The following GRIP1 variants were observed in gnomAD, a reference collection of about 807,000 sequenced individuals.
GRIP1 encodes glutamate receptor interacting protein 1, also known as glutamate receptor-interacting protein 1.
A neutral mutation model predicts 129.9 loss-of-function variants in GRIP1; 45 were observed. That is an observed-to-expected ratio of 0.35 (90% CI 0.27 to 0.44). GRIP1 has a LOEUF of 0.44. Ranked by LOEUF, GRIP1 falls within the 20% of genes least tolerant of loss-of-function variation. GRIP1 has a pLI of 1.00. For synonymous variants in GRIP1, 530 were observed against 520.8 expected (o/e 1.02, Z -0.24); for missense variants, 1,196 against 1,396.8 (o/e 0.86, Z 2.29).
chr12:66,852,501 T>A (rs2039930596), intron 1 of GRIP1, among the ~76,000 whole-genome samples: 1 of 150,984 alleles, frequency 6.6e-6, no homozygotes. Flanking sequence ...TGTGTATATA[T>A]ACACACATAT....
At chr12:66,443,957 G>C (rs1032296856) in intron 13 of GRIP1, among the ~76,000 whole-genome samples, 2 of 152,212 alleles carry the variant, frequency 1.3e-5, no homozygotes, top group African/African-American at 4.8e-5. Flanking sequence ...GGGTCAAAGA[G>C]AGGCTTTACT....
chr12:66,475,110 A>C (rs549595113), intron 7 of GRIP1, among the ~76,000 whole-genome samples: 2,028 of 151,974 alleles, frequency 0.013, 45 homozygotes, highest in African/African-American at 0.045. Flanking sequence ...CACACATAGG[A>C]TCAAAATAAA....
At chr12:66,909,096 T>C (rs903009487) in intron 1 of GRIP1, among the ~76,000 whole-genome samples, 1 of 152,252 alleles carries the variant, frequency 6.6e-6, no homozygotes, top group Non-Finnish European at 1.5e-5. Context: ...AATTTTTTCT[T>C]GCTAATTCAC....
chr12:66,959,759 A>G (rs925148213), intron 1 of GRIP1, among the ~76,000 whole-genome samples: 1 of 152,136 alleles, frequency 6.6e-6, no homozygotes, highest in Admixed American at 6.6e-5. Context: ...TAAATATTTT[A>G]GGCTAGTTTA....
At chr12:66,406,238 T>C (rs768135597) in intron 16 of GRIP1, 45 bp downstream of exon 16, 16 of 1,587,074 alleles carry the variant, frequency 1.0e-5, no homozygotes, top group Middle Eastern at 1.7e-4. Flanking sequence ...TGGTGACAGA[T>C]GGGCAGTTCG....
At chr12:66,813,558 A>G (rs1487273883) in intron 1 of GRIP1, among the ~76,000 whole-genome samples, 1 of 152,196 alleles carries the variant, frequency 6.6e-6, no homozygotes, top group Non-Finnish European at 1.5e-5. Context: ...TTGAATGGGG[A>G]GAGCTGAGAA....
chr12:66,422,550 A>G (rs907480180), intron 14 of GRIP1, among the ~76,000 whole-genome samples: 1 of 151,460 alleles, frequency 6.6e-6, no homozygotes, highest in African/African-American at 2.4e-5. Flanking sequence ...TGTAGTAACC[A>G]TCACATAGCA....
intron 1 of GRIP1, among the ~76,000 whole-genome samples, chr12:66,636,569 TC>T (rs2031393219): frequency 6.6e-6 from 1 of 152,070 alleles, no homozygotes; most frequent in African/African-American, 2.4e-5. Flanking sequence ...AACCCTAACC[TC>T]CCCCTACCTT....
intron 1 of GRIP1, among the ~76,000 whole-genome samples, chr12:66,902,872 C>T (rs774975903): frequency 3.9e-5 from 6 of 152,152 alleles, no homozygotes; most frequent in Admixed American, 2.0e-4. Context: ...ACATGTTCTG[C>T]GTGAAATGTT....
At chr12:66,737,365 C>T (rs761853373) in intron 1 of GRIP1, among the ~76,000 whole-genome samples, 4 of 152,104 alleles carry the variant, frequency 2.6e-5, no homozygotes, top group Non-Finnish European at 5.9e-5. Flanking sequence ...CTCATTGCAA[C>T]CTCCGCCTCC....
chr12:66,990,022 T>C (rs965592660), intron 1 of GRIP1, among the ~76,000 whole-genome samples: 1 of 152,218 alleles, frequency 6.6e-6, no homozygotes, highest in Non-Finnish European at 1.5e-5. Flanking sequence ...AGTTCTAAGA[T>C]TCCTAGAAGG....
chr12:66,964,956 C>T (rs1240545931), intron 1 of GRIP1, among the ~76,000 whole-genome samples: 1 of 152,078 alleles, frequency 6.6e-6, no homozygotes, highest in Non-Finnish European at 1.5e-5. Context: ...CAAATTTCCT[C>T]TTCTCATGAG....
In GRIP1 at chr12:66,432,490, G is replaced by C. The variant is rs1398672678; in HGVS notation, c.1768+58C>G. On this transcript the variant is annotated intron_variant, in intron 14 of 24. Coordinates refer to ENST00000359742, the MANE Select transcript of GRIP1 (RefSeq NM_001366722.1). ...CATTTGTTACACCTGCAAACCATTT[G>C]ACAACACAGTTTTCTAATGCCTTTA... 4.9e-6 allele frequency: 5 copies of C among 1,024,982 alleles called. No homozygotes were observed. The South Asian group carries it at 6.6e-5, about 13-fold the overall frequency. The allele number at this position is 1,024,982 out of a possible 1,614,324, so 63.5% of individuals were successfully genotyped here.
intron 1 of GRIP1, among the ~76,000 whole-genome samples, chr12:67,019,303 A>T (rs2042831851): frequency 6.6e-6 from 1 of 152,198 alleles, no homozygotes; most frequent in Non-Finnish European, 1.5e-5. Context: ...TTAGGACCTC[A>T]GGAGGCCTGC....
chr12:66,753,561 C>T (rs1592810287), intron 1 of GRIP1, among the ~76,000 whole-genome samples: 1 of 152,180 alleles, frequency 6.6e-6, no homozygotes, highest in South Asian at 2.1e-4. Context: ...TAGCAGCTAG[C>T]ATTATTTACC....
At chr12:66,900,521 C>T (rs376069794) in intron 1 of GRIP1, among the ~76,000 whole-genome samples, 247 of 152,294 alleles carry the variant, frequency 1.6e-3, no homozygotes, top group South Asian at 0.015. Context: ...GCCACCCAGT[C>T]TTAGCCTGAA....
At chr12:67,022,656 G>A (rs1175085324) in intron 1 of GRIP1, among the ~76,000 whole-genome samples, 2 of 152,164 alleles carry the variant, frequency 1.3e-5, no homozygotes, top group Non-Finnish European at 2.9e-5. Flanking sequence ...GTAGCTCATT[G>A]TGAGTTTAAC....
intron 1 of GRIP1, chr12:66,647,456 T>G (rs1034462065): frequency 3.9e-5 from 6 of 152,198 alleles, no homozygotes; most frequent in African/African-American, 1.4e-4. Flanking sequence ...TTTGAGAATC[T>G]GAAGAAAACT....
At chr12:66,805,920 G>A (rs1322105639), upstream of GRIP1, among the ~76,000 whole-genome samples, 3 of 147,298 alleles carry the variant, frequency 2.0e-5, no homozygotes, top group African/African-American at 7.5e-5. Flanking sequence ...GCTATAAAAT[G>A]TTTTATGAAC....
Sources: gnomAD v4.1 joint callset for allele counts (sites outside exome capture counted in the v4.1 genomes callset) on GRCh38, gnomAD v4.1.1 for gene constraint, MANE v1.5 for transcripts, NCBI Gene and HGNC (gene_info 2026-07-23, HGNC 2026-07-21) for gene names.